Variants in WDR7 observed in about 807,000 individuals in gnomAD.
WDR7 encodes the protein WD repeat-containing protein 7.
In WDR7, 46 loss-of-function variants were observed where a neutral mutation model predicts 169.4. The ratio of observed to expected loss-of-function variants is 0.27; its 90% CI spans 0.21 to 0.35. The LOEUF is 0.35. Ranked by LOEUF, WDR7 falls within the 10% of genes least tolerant of loss-of-function variation. WDR7 has a pLI of 1.00. For synonymous variants in WDR7, 612 were observed against 666.8 expected (o/e 0.92, Z 1.27); for missense variants, 1,534 against 1,859.3 (o/e 0.83, Z 3.22).
chr18:56,663,672 C>T (rs376485658), intron 1 of WDR7, among the ~76,000 whole-genome samples: 1 of 24,436 alleles, frequency 4.1e-5, no homozygotes, highest in Admixed American at 5.3e-4. Context: ...AGCATATATA[C>T]ATATATATAT....
chr18:56,886,227 A>C (rs2046191159), intron 21 of WDR7, among the ~76,000 whole-genome samples: 1 of 152,176 alleles, frequency 6.6e-6, no homozygotes, highest in African/African-American at 2.4e-5. Flanking sequence ...GCTGTGAGGC[A>C]AAAGCACCAG....
intron 22 of WDR7, among the ~76,000 whole-genome samples, chr18:56,930,190 G>A (rs1453666651): frequency 1.3e-5 from 2 of 152,184 alleles, no homozygotes; most frequent in African/African-American, 4.8e-5. Flanking sequence ...AAAGTCACTG[G>A]AAACCACACA....
chr18:56,695,500 C>T (rs574017989), intron 11 of WDR7, among the ~76,000 whole-genome samples: 2 of 151,364 alleles, frequency 1.3e-5, no homozygotes, highest in South Asian at 4.2e-4. Context: ...ACCAGTAATT[C>T]TGAAAATCCT....
intron 14 of WDR7, among the ~76,000 whole-genome samples, chr18:56,738,956 T>G (rs1435520779): frequency 2.0e-5 from 3 of 152,054 alleles, no homozygotes. Context: ...TCTAGATTTA[T>G]CTGTTGATAA....
chr18:56,803,871 G>A (rs1050227170), intron 19 of WDR7, among the ~76,000 whole-genome samples: 1 of 152,150 alleles, frequency 6.6e-6, no homozygotes, highest in African/African-American at 2.4e-5. Flanking sequence ...GTGCCATCAT[G>A]GCTCACTGCA....
At chr18:56,761,492 A>T (rs2043980176) in intron 16 of WDR7, among the ~76,000 whole-genome samples, 1 of 152,092 alleles carries the variant, frequency 6.6e-6, no homozygotes, top group Admixed American at 6.5e-5. Context: ...TTGAATTTCA[A>T]TATAAATTTT....
intron 15 of WDR7, 113 bp downstream of exon 15, chr18:56,757,465 T>G: frequency 1.9e-6 from 2 of 1,065,606 alleles, no homozygotes; most frequent in Non-Finnish European, 2.6e-6. Flanking sequence ...TATTTCAGTG[T>G]CATCTCAGTT....
downstream of WDR7, chr18:57,034,399 C>T (rs1170629911): frequency 6.6e-6 from 1 of 152,066 alleles, no homozygotes; most frequent in African/African-American, 2.4e-5. Context: ...AACACTGCTC[C>T]ATAAACTTCC....
intron 12 of WDR7, chr18:56,699,729 C>A: frequency 1.4e-6 from 1 of 699,558 alleles, no homozygotes; most frequent in African/African-American, 1.9e-5. Flanking sequence ...TTTCCTAAAA[C>A]GTACAAAGTT....
At chr18:56,848,802 G>C (rs576769905) in intron 20 of WDR7, among the ~76,000 whole-genome samples, 2 of 152,206 alleles carry the variant, frequency 1.3e-5, no homozygotes, top group Non-Finnish European at 2.9e-5. Context: ...TCTGCCATGA[G>C]TAAAAGCTCC....
intron 2 of WDR7, among the ~76,000 whole-genome samples, chr18:56,677,670 T>C (rs1271296895): frequency 6.6e-6 from 1 of 152,206 alleles, no homozygotes; most frequent in Admixed American, 6.5e-5. Flanking sequence ...TTGTGTCTTT[T>C]CTTTTTTGGC....
intron 22 of WDR7, among the ~76,000 whole-genome samples, chr18:56,927,551 T>C (rs192294801): frequency 6.6e-6 from 1 of 152,134 alleles, no homozygotes; most frequent in Non-Finnish European, 1.5e-5. Context: ...AAGTTCAAGG[T>C]TGCAGTGAGC....
intron 22 of WDR7, among the ~76,000 whole-genome samples, chr18:56,932,316 A>G (rs565066177): frequency 6.6e-6 from 1 of 152,278 alleles, no homozygotes; most frequent in Admixed American, 6.5e-5. Context: ...TCCAGCTTCC[A>G]CTGAACTCAG....
intron 25 of WDR7, among the ~76,000 whole-genome samples, chr18:56,959,924 A>G (rs182163244): frequency 7.3e-4 from 111 of 152,306 alleles, no homozygotes; most frequent in African/African-American, 2.5e-3. Flanking sequence ...TGGAAGCCTC[A>G]GCAGGGATTG....
At chr18:56,839,193 G>T (rs956079334) in intron 20 of WDR7, among the ~76,000 whole-genome samples, 53 of 152,182 alleles carry the variant, frequency 3.5e-4, no homozygotes, top group African/African-American at 1.2e-3. Context: ...TTTGATACCT[G>T]TATACAATGT....
At chr18:56,948,568 A>G (rs1308870625) in intron 25 of WDR7, among the ~76,000 whole-genome samples, 1 of 152,218 alleles carries the variant, frequency 6.6e-6, no homozygotes, top group African/African-American at 2.4e-5. Flanking sequence ...ATCCTAATAA[A>G]TGGCATCAGT....
downstream of WDR7, chr18:57,030,024 C>T (rs1164176749): frequency 6.6e-6 from 1 of 152,156 alleles, no homozygotes; most frequent in Admixed American, 6.5e-5. Flanking sequence ...CGTTGCATGC[C>T]TGTTGCTTTA....
chr18:57,021,544 C>T (rs752630478), intron 27 of WDR7, among the ~76,000 whole-genome samples: 1 of 152,168 alleles, frequency 6.6e-6, no homozygotes, highest in Non-Finnish European at 1.5e-5. Context: ...TAAGATCTCA[C>T]GTAGTCTTTG....
rs774332805 is a variant in WDR7 at position 56,880,142 on chromosome 18, A to G, written c.3503A>G (p.Asn1168Ser). The G allele has an allele frequency of 4.3e-6, 7 of 1,613,886 alleles. No individual in the cohort carries two copies. The South Asian group carries it at 4.4e-5, about 10-fold the overall frequency. Residue 1168 changes from asparagine (N) to serine (S), a missense_variant, in exon 21 of 28, where the codon AAC (asparagine) becomes AGC (serine). Asn to Ser is a conservative substitution (Grantham distance 46, BLOSUM62 1). Coordinates refer to ENST00000254442, the MANE Select transcript of WDR7 (RefSeq NM_015285.3). ...TTCGGGTTGACTAGTGGTGGATCCAACTACTCGCTGGCCAGACATACTTGT... is the reference window on the plus strand; with the variant it reads ...TTCGGGTTGACTAGTGGTGGATCCAGCTACTCGCTGGCCAGACATACTTGT... ...EGFGLTSGGS[N>S]YSLARHTCKA...
Sources: gnomAD v4.1 joint callset for allele counts (sites outside exome capture counted in the v4.1 genomes callset) on GRCh38, gnomAD v4.1.1 for gene constraint, MANE v1.5 for transcripts, NCBI Gene and HGNC (gene_info 2026-07-23, HGNC 2026-07-21) for gene names.